Variants in RFX4 observed in about 807,000 individuals in gnomAD.
RFX4 encodes transcription factor RFX4.
Under a neutral mutation model 95.0 loss-of-function variants are expected in RFX4, and 10 were observed. The ratio of observed to expected loss-of-function variants is 0.11; its 90% CI spans 0.06 to 0.18. The LOEUF is 0.18. Ranked by LOEUF, RFX4 falls within the 10% of genes least tolerant of loss-of-function variation. The probability of loss-of-function intolerance (pLI) is 1.00; values close to 1 mark genes in which losing one functional copy is unlikely to be tolerated. For synonymous variants in RFX4, 321 were observed against 340.7 expected (o/e 0.94, Z 0.64); for missense variants, 640 against 922.0 (o/e 0.69, Z 3.96).
rs1050691153 is a variant in RFX4, at chr12:106,740,786, G to A, written c.1634-6651G>A. ...ATAGTGTGCTATGAAAAAGTATAAA[G>A]TGGGGACGCATCTTAGTTGGTGGTC... On this transcript the variant is annotated intron_variant, in intron 15 of 17. Coordinates refer to ENST00000392842, the MANE Select transcript of RFX4 (RefSeq NM_213594.3). Among the ~76,000 whole-genome samples the A allele has an allele frequency of 4.8e-5, 7 of 146,794 alleles. 1 individual carries two copies. The highest frequency in any genetic ancestry group is 7.5e-5 in the Non-Finnish European group (5 of 66,806).
chr12:106,637,524 A>C (rs2040537942), intron 2 of RFX4, among the ~76,000 whole-genome samples: 3 of 152,094 alleles, frequency 2.0e-5, no homozygotes. Flanking sequence ...TGATCTTTTT[A>C]ATGTCTATAT....
chr12:106,641,973 A>C (rs78676546), intron 3 of RFX4, among the ~76,000 whole-genome samples: 2,432 of 108,162 alleles, frequency 0.022, 30 homozygotes, highest in African/African-American at 0.059. Flanking sequence ...ATATCTATCT[A>C]TATCTATATC....
In RFX4 at chr12:106,684,777, T is replaced by A. The variant is rs1376522363; in HGVS notation, c.378-2107T>A. ...GGAAGGCACAGAAGGCAGACTTCGC[T>A]CAGCACAAAGAATTTTCTGATAACC... On this transcript the variant is annotated intron_variant, in intron 5 of 17. Coordinates refer to ENST00000392842, the MANE Select transcript of RFX4 (RefSeq NM_213594.3). 3 of 1,484,012 alleles carry A rather than the reference T, an allele frequency of 2.0e-6. No individual in the cohort carries two copies. The Admixed American group carries it at 6.7e-5, about 33-fold the overall frequency. The allele number at this position is 1,484,012 out of a possible 1,614,324, so 91.9% of individuals were successfully genotyped here. A position where few individuals can be genotyped will look rare whatever the true frequency, so the allele number is the denominator to read the frequency against.
intron 2 of RFX4, among the ~76,000 whole-genome samples, chr12:106,616,247 C>T (rs955135191): frequency 1.1e-4 from 16 of 152,148 alleles, no homozygotes; most frequent in Admixed American, 9.2e-4. Flanking sequence ...TCTATTAATA[C>T]TGGGAATTAC....
rs2043204771 is a variant in RFX4 at position 106,761,333 on chromosome 12, A to G, written c.2072A>G (p.His691Arg). Residue 691 changes from histidine (H) to arginine (R), a missense_variant, in exon 18 of 18, where the codon CAT (histidine) becomes CGT (arginine). Coordinates refer to ENST00000392842, the MANE Select transcript of RFX4 (RefSeq NM_213594.3). ...ACGTGCTACACAAGCCCGTCTGTGC[A>G]TTCTGCGAGGTACGGAAACTCTAGT... Reference protein sequence around the residue: ...ANTCYTSPSVHSARYGNSSDM... With the variant: ...ANTCYTSPSVRSARYGNSSDM... The G allele has an allele frequency of 1.9e-6, 3 of 1,614,090 alleles. No homozygotes were observed. The highest frequency in any genetic ancestry group is 2.5e-6 in the Non-Finnish European group (3 of 1,180,016).
chr12:106,760,246 T>C (rs1034557015), intron 17 of RFX4, among the ~76,000 whole-genome samples: 2 of 152,196 alleles, frequency 1.3e-5, no homozygotes, highest in Non-Finnish European at 2.9e-5. Flanking sequence ...AAAGAAATCT[T>C]TGTGCTGACT....
intron 2 of RFX4, among the ~76,000 whole-genome samples, chr12:106,617,677 T>G (rs1173253240): frequency 1.3e-5 from 2 of 152,180 alleles, no homozygotes. Context: ...TTAATGTCCA[T>G]GCACACTTGA....
chr12:106,749,503 A>G (rs1258268405), intron 16 of RFX4, among the ~76,000 whole-genome samples: 1 of 152,148 alleles, frequency 6.6e-6, no homozygotes. Context: ...TCGGGCAACC[A>G]TTATTTTCTC....
At chr12:106,652,315 T>C (rs767441476) in intron 3 of RFX4, among the ~76,000 whole-genome samples, 29 of 152,340 alleles carry the variant, frequency 1.9e-4, no homozygotes, top group Admixed American at 8.5e-4. Context: ...ACCATTAATC[T>C]GTTCACTGTA....
chr12:106,744,986 T>C (rs750698418), intron 15 of RFX4, among the ~76,000 whole-genome samples: 11 of 152,118 alleles, frequency 7.2e-5, no homozygotes, highest in African/African-American at 1.2e-4. Flanking sequence ...GACAGTAAAC[T>C]CCTGAGCGAT....
At chr12:106,660,135 T>A (rs1190715766) in intron 4 of RFX4, among the ~76,000 whole-genome samples, 2 of 152,062 alleles carry the variant, frequency 1.3e-5, no homozygotes. Flanking sequence ...ATCTCATGTC[T>A]GTGTGGACCC....
intron 3 of RFX4, among the ~76,000 whole-genome samples, chr12:106,646,181 T>C (rs55830672): frequency 0.13 from 19,725 of 151,930 alleles, 1,334 homozygotes; most frequent in African/African-American, 0.17. Flanking sequence ...AGGGGGCACA[T>C]ACGAAGATGT....
At chr12:106,682,868 G>C (rs2041549920) in intron 5 of RFX4, 1 of 152,172 alleles carries the variant, frequency 6.6e-6, no homozygotes, top group Non-Finnish European at 1.5e-5. Flanking sequence ...TATAGGACTT[G>C]CCTCTAAGGA....
chr12:106,670,726 A>G (rs754687075), intron 4 of RFX4, among the ~76,000 whole-genome samples: 1 of 152,218 alleles, frequency 6.6e-6, no homozygotes, highest in African/African-American at 2.4e-5. Flanking sequence ...TCAGTATAGT[A>G]AAATGACCCC....
chr12:106,752,673 C>T (rs1375827269), intron 17 of RFX4, among the ~76,000 whole-genome samples: 1 of 152,154 alleles, frequency 6.6e-6, no homozygotes, highest in Non-Finnish European at 1.5e-5. Context: ...TTCATCCAGC[C>T]CGCACAGGTA....
chr12:106,734,986 C>G (rs1161161549), intron 15 of RFX4, among the ~76,000 whole-genome samples: 1 of 145,322 alleles, frequency 6.9e-6, no homozygotes, highest in African/African-American at 2.6e-5. Context: ...CGTAGGAGTT[C>G]GAGGCTGCAG....
At chr12:106,639,517 C>T in intron 3 of RFX4, 125 bp downstream of exon 3, 1 of 869,986 alleles carries the variant, frequency 1.1e-6, no homozygotes, top group Non-Finnish European at 1.8e-6. Flanking sequence ...AACATGAAAT[C>T]TATTTAATTT....
chr12:106,719,934 G>A (rs200862229), intron 11 of RFX4, 26 bp from the exon 12 acceptor site: 80 of 1,567,166 alleles, frequency 5.1e-5, no homozygotes, highest in East Asian at 1.3e-4. Flanking sequence ...GCAGTGATGC[G>A]TGTGGGGTTC....
intron 4 of RFX4, among the ~76,000 whole-genome samples, chr12:106,654,860 G>A (rs1434757929): frequency 6.6e-6 from 1 of 152,166 alleles, no homozygotes; most frequent in Non-Finnish European, 1.5e-5. Flanking sequence ...AAAATTGTTA[G>A]CAGTGATCAT....
Sources: gnomAD v4.1 joint callset for allele counts (sites outside exome capture counted in the v4.1 genomes callset) on GRCh38, gnomAD v4.1.1 for gene constraint, MANE v1.5 for transcripts, NCBI Gene and HGNC (gene_info 2026-07-23, HGNC 2026-07-21) for gene names.